SP140L: variants seen among roughly 807,000 people sequenced by gnomAD.
SP140L encodes the protein nuclear body protein SP140-like protein.
In SP140L, 64 loss-of-function variants were observed where a neutral mutation model predicts 84.3. The observed-to-expected ratio is 0.76, with a 90% confidence interval of 0.62 to 0.94. SP140L has a LOEUF of 0.94. SP140L is among the 40% of genes least tolerant of loss of function. The probability of loss-of-function intolerance (pLI) is 0.00; values close to 1 mark genes in which losing one functional copy is unlikely to be tolerated. For synonymous variants in SP140L, 242 were observed against 236.9 expected (o/e 1.02, Z -0.20); for missense variants, 628 against 692.5 (o/e 0.91, Z 1.05).
chr2:230,395,161 G>GT (rs1379957056), intron 13 of SP140L, among the ~76,000 whole-genome samples: 4 of 152,014 alleles, frequency 2.6e-5, no homozygotes, highest in Admixed American at 6.6e-5. Context: ...GTAGAGACAG[G>GT]GTTTTGCCAT....
At chr2:230,358,160 G>A (rs1266027108) in intron 3 of SP140L, among the ~76,000 whole-genome samples, 193 bp downstream of exon 3, 3 of 152,064 alleles carry the variant, frequency 2.0e-5, no homozygotes, top group Admixed American at 6.5e-5. Flanking sequence ...AAACTGGAAC[G>A]GAAACAGCTG....
intron 2 of SP140L, among the ~76,000 whole-genome samples, chr2:230,334,814 G>T (rs1279780629): frequency 6.6e-6 from 1 of 152,104 alleles, no homozygotes; most frequent in Non-Finnish European, 1.5e-5. Flanking sequence ...ACCAATGTCT[G>T]TGTGTAGGTG....
At chr2:230,390,069 A>G in intron 11 of SP140L, 46 bp downstream of exon 11, 11 of 1,522,944 alleles carry the variant, frequency 7.2e-6, no homozygotes, top group Non-Finnish European at 9.9e-6. Context: ...ATCTGAAGGC[A>G]TCACAAGAAG....
chr2:230,400,258 G>A lies in SP140L; in HGVS notation c.1313+16G>A. The A allele has an allele frequency of 6.2e-7, 1 of 1,612,252 alleles. No homozygotes were observed. The highest frequency in any genetic ancestry group is 8.5e-7 in the Non-Finnish European group (1 of 1,178,382). ...AAAGTGAGAAGTAAGTGACATGCAG[G>A]CACCTCTCTTTCATCCTTTAAGGGA... On this transcript the variant is annotated intron_variant, in intron 15 of 18. Coordinates refer to ENST00000415673, the MANE Select transcript of SP140L (RefSeq NM_138402.6).
intron 3 of SP140L, among the ~76,000 whole-genome samples, chr2:230,358,547 G>A (rs1472713496): frequency 6.6e-6 from 1 of 152,184 alleles, no homozygotes; most frequent in African/African-American, 2.4e-5. Context: ...CACAGCAAGG[G>A]GAGAATGGTC....
At chr2:230,394,453 A>G (rs558203949) in intron 13 of SP140L, among the ~76,000 whole-genome samples, 2 of 152,344 alleles carry the variant, frequency 1.3e-5, no homozygotes, top group South Asian at 4.1e-4. Flanking sequence ...AGGCCTTTAC[A>G]TTATCTGATA....
intron 4 of SP140L, among the ~76,000 whole-genome samples, chr2:230,359,406 C>T (rs1402754979): frequency 1.3e-5 from 2 of 152,188 alleles, no homozygotes; most frequent in African/African-American, 4.8e-5. Context: ...ACACAGAACA[C>T]CAACGGGGCA....
intron 7 of SP140L, among the ~76,000 whole-genome samples, chr2:230,379,592 T>A (rs2061345956): frequency 6.6e-6 from 1 of 152,222 alleles, no homozygotes; most frequent in African/African-American, 2.4e-5. Context: ...GTTCTTTTTC[T>A]TTGGTTTCAC....
intron 7 of SP140L, among the ~76,000 whole-genome samples, chr2:230,383,245 C>T (rs2061466045): frequency 6.6e-6 from 1 of 152,112 alleles, no homozygotes; most frequent in African/African-American, 2.4e-5. Context: ...TTTAAGGTGC[C>T]AGCAAGAGTT....
At chr2:230,359,983 A>AAAGTTTGGTATTGGTGCTATACCAAACTG in intron 4 of SP140L, among the ~76,000 whole-genome samples, 2 of 149,204 alleles carry the variant, frequency 1.3e-5, no homozygotes, top group Admixed American at 1.3e-4. Flanking sequence ...ATACCAAACT[A>AAAGTTTGGTATTGGTGCTATACCAAACTG]AAGTTTTGAT....
chr2:230,355,298 C>T (rs1237023050), intron 2 of SP140L, among the ~76,000 whole-genome samples: 1 of 152,118 alleles, frequency 6.6e-6, no homozygotes, highest in Non-Finnish European at 1.5e-5. Flanking sequence ...CCAATCATAT[C>T]TCCTACAATG....
chr2:230,365,857 T>A (rs1294086031), intron 5 of SP140L, among the ~76,000 whole-genome samples: 1 of 152,278 alleles, frequency 6.6e-6, no homozygotes, highest in Admixed American at 6.5e-5. Context: ...AATATTTTTT[T>A]AAATTTCCTT....
intron 6 of SP140L, 83 bp downstream of exon 6, chr2:230,371,050 C>T: frequency 1.6e-6 from 2 of 1,218,964 alleles, no homozygotes; most frequent in Non-Finnish European, 2.4e-6. Flanking sequence ...GTGCTCCAGT[C>T]CGCCCAGAAT....
intron 5 of SP140L, among the ~76,000 whole-genome samples, chr2:230,366,133 T>C (rs1057249805): frequency 2.0e-5 from 3 of 152,188 alleles, no homozygotes; most frequent in African/African-American, 7.2e-5. Flanking sequence ...TTAGGTCTAT[T>C]TGGTATAAAA....
At chr2:230,346,605 A>T (rs550303601) in intron 2 of SP140L, among the ~76,000 whole-genome samples, 1 of 152,150 alleles carries the variant, frequency 6.6e-6, no homozygotes, top group African/African-American at 2.4e-5. Context: ...CTCTAAGTAG[A>T]TAATTTCAAA....
intron 10 of SP140L, 84 bp from the exon 11 acceptor site, chr2:230,389,835 T>C: frequency 7.7e-7 from 1 of 1,298,510 alleles, no homozygotes. Flanking sequence ...AAGTACTCTT[T>C]GTGCCTTTAT....
chr2:230,380,855 A>G (rs1018733254), intron 7 of SP140L, among the ~76,000 whole-genome samples: 1 of 152,066 alleles, frequency 6.6e-6, no homozygotes, highest in Non-Finnish European at 1.5e-5. Context: ...GAATATACTG[A>G]ATTTTGTTTA....
intron 7 of SP140L, chr2:230,372,894 T>C (rs2061132194): frequency 6.6e-6 from 1 of 152,112 alleles, no homozygotes; most frequent in Non-Finnish European, 1.5e-5. Context: ...GAAAAGTTCT[T>C]GAAGGAAATT....
intron 3 of SP140L, among the ~76,000 whole-genome samples, chr2:230,358,763 G>A (rs766622571): frequency 2.6e-5 from 4 of 152,122 alleles, no homozygotes; most frequent in African/African-American, 7.2e-5. Context: ...AAGCAATCAG[G>A]CTCATCAGTG....
Sources: gnomAD v4.1 joint callset for allele counts (sites outside exome capture counted in the v4.1 genomes callset) on GRCh38, gnomAD v4.1.1 for gene constraint, MANE v1.5 for transcripts, NCBI Gene and HGNC (gene_info 2026-07-23, HGNC 2026-07-21) for gene names.